ZNF689: variants seen among roughly 807,000 people sequenced by gnomAD.
ZNF689 encodes the protein zinc finger protein 689, also known as short ORF-encoded histone-binding protein.
Under a neutral mutation model 37.2 loss-of-function variants are expected in ZNF689, and 14 were observed. The ratio of observed to expected loss-of-function variants is 0.38; its 90% CI spans 0.25 to 0.59. The LOEUF is 0.59. Ranked by LOEUF, ZNF689 falls within the 20% of genes least tolerant of loss-of-function variation. ZNF689 has a pLI of 0.68. For synonymous variants in ZNF689, 277 were observed against 283.3 expected (o/e 0.98, Z 0.22); for missense variants, 573 against 700.2 (o/e 0.82, Z 2.05).
chr16:30,608,143 G>A (rs1326589938), intron 2 of ZNF689, among the ~76,000 whole-genome samples: 1 of 152,200 alleles, frequency 6.6e-6, no homozygotes, highest in Non-Finnish European at 1.5e-5. Flanking sequence ...CAGCAGGTCT[G>A]GGGTAGGGTC....
rs1451854143 is a variant in ZNF689 at position 30,609,632 on chromosome 16, G to A, written c.212C>T (p.Ala71Val). The change falls in exon 2 of 3, where the codon GCA becomes GTA. Residue 71 changes from alanine (A) to valine (V), a missense_variant. By Grantham distance (64) the Ala-to-Val change is moderately conservative. This residue lies in a region of ZNF689 where 252 missense variants were observed against 313.3 expected (regional missense o/e 0.80). Transcript: ENST00000287461. The stretch of plus-strand genomic sequence containing the variant: ...GGAGATGAGGGCTGGTTTGGGACCT[G>A]CGCACCCTGGGGAAAGAGAACAAAT... ...TYGHLGALGC[A>V]GPKPALISWL... 9 of 1,613,858 alleles carry A rather than the reference G, an allele frequency of 5.6e-6. No individual in the cohort carries two copies. The highest frequency in any genetic ancestry group is 3.3e-5 in the South Asian group (3 of 91,078).
chr16:30,609,981 T>G lies in ZNF689; in HGVS notation c.61A>C (p.Lys21Gln). 1 of 1,611,002 alleles carries G rather than the reference T, an allele frequency of 6.2e-7. No homozygotes were observed. The highest frequency in any genetic ancestry group is 8.5e-7 in the Non-Finnish European group (1 of 1,179,160). Residue 21 changes from lysine (K) to glutamine (Q), a missense_variant, in exon 1 of 3, where the codon AAA becomes CAA. Lys to Gln is a moderately conservative substitution (Grantham distance 53). Transcript: ENST00000287461. ...AGAGCCCTCGGCCTCCTGCCCCTTT[T>G]CCGACTGGGTCTGGCCTTTCCTGGT... The part of the protein sequence containing the change: ...QGPGKARPSR[K>Q]RGRRPRALKF...
chr16:30,602,670 T>C lies in ZNF689; in HGVS notation c.*1594A>G. 6.6e-6 allele frequency: 1 copy of C among 152,196 alleles called. No homozygotes were observed. Among genetic ancestry groups the C allele is most frequent in the Non-Finnish European group, 1.5e-5 (1 of 68,028 alleles). The allele number at this position is 152,196 out of a possible 1,614,324, so 9.4% of individuals were successfully genotyped here. On this transcript the variant is annotated 3_prime_UTR_variant, in exon 3 of 3. Transcript: ENST00000287461. ...CAATGTTACAATGCAACTTGCTAAA[T>C]ATTGAACAGAGGTAATTACATAAAG...
At chr16:30,606,171 G>T (rs910509574) in intron 2 of ZNF689, among the ~76,000 whole-genome samples, 1 of 151,884 alleles carries the variant, frequency 6.6e-6, no homozygotes, top group Non-Finnish European at 1.5e-5. Context: ...GGTGGCACGC[G>T]TGCCTGCCTG....
In ZNF689 at chr16:30,609,832, C is replaced by A; in HGVS notation, c.205+5G>T. ...CCCCGCGGCAGCGGATGGGGCCGGC[C>A]TCACCGAGCGCGCCCAGGTGACCGT... On this transcript the variant is annotated splice_donor_5th_base_variant and intron_variant, in intron 1 of 2. Transcript: ENST00000287461. The A allele has an allele frequency of 6.3e-7, 1 of 1,599,038 alleles. No individual in the cohort carries two copies. Among genetic ancestry groups the A allele is most frequent in the Admixed American group, 1.7e-5 (1 of 57,464 alleles).
Position 30,604,657 on chromosome 16 carries a change from C to T in ZNF689, c.1110G>A (p.Glu370=). 6.2e-7 allele frequency: 1 copy of T among 1,611,494 alleles called. No homozygotes were observed. The highest frequency in any genetic ancestry group is 1.1e-5 in the South Asian group (1 of 90,908). Reference sequence around the variant, plus strand: ...CACAGTCTGGGCAGGGGTAGGGCTTCTCTCCGGTGTGCAAGAGCTGGTGCT... The same window carrying T: ...CACAGTCTGGGCAGGGGTAGGGCTTTTCTCCGGTGTGCAAGAGCTGGTGCT... ...LLQHQLLHTG[E]KPYPCPDCGR... is the part of the protein sequence containing the mutation. The change falls in exon 3 of 3, where the codon GAG becomes GAA. Residue 370 remains glutamate, a synonymous_variant. Coordinates refer to ENST00000287461, the MANE Select transcript of ZNF689 (RefSeq NM_138447.3). The surrounding 1 kb of genome is among the most constrained non-coding windows in gnomAD (Gnocchi z 5.2).
Position 30,603,842 on chromosome 16 carries a change from A to G in ZNF689, c.*422T>C, listed in dbSNP as rs1465257242. On this transcript the variant is annotated 3_prime_UTR_variant, in exon 3 of 3. Coordinates refer to ENST00000287461, the MANE Select transcript of ZNF689 (RefSeq NM_138447.3). ...GACCACTTGGCAGGAGTGTTGCAAAAAGTGGGCTAAACCAGATTTTTCCAA... is the reference window on the plus strand; with the variant it reads ...GACCACTTGGCAGGAGTGTTGCAAAGAGTGGGCTAAACCAGATTTTTCCAA... The G allele has an allele frequency of 3.0e-6, 1 of 334,894 alleles. No individual in the cohort carries two copies. The highest frequency in any genetic ancestry group is 2.1e-5 in the African/African-American group (1 of 46,530). The allele number at this position is 334,894 out of a possible 1,614,324, so 20.7% of individuals were successfully genotyped here.
At chr16:30,607,905 T>C (rs975477643) in intron 2 of ZNF689, among the ~76,000 whole-genome samples, 2 of 152,204 alleles carry the variant, frequency 1.3e-5, no homozygotes, top group Admixed American at 6.5e-5. Context: ...GAGGTTACAG[T>C]GAGCTGAGAT....
chr16:30,604,797 G>A lies in ZNF689; in HGVS notation c.970C>T (p.Arg324Trp). ...EKPYPCPDCE[R>W]RFSSSSRLVS... The stretch of plus-strand genomic sequence containing the variant: ...AGGCGAGAGGAGGAGGAGAAGCGCC[G>A]CTCGCAGTCCGGGCACGGGTAGGGC... The change falls in exon 3 of 3, where the codon CGG becomes TGG. Residue 324 changes from arginine (R) to tryptophan (W), a missense_variant. By Grantham distance (101) the Arg-to-Trp change is moderately radical (BLOSUM62 -3). This residue lies in a region of ZNF689 where 317 missense variants were observed against 367.1 expected (regional missense o/e 0.86). Coordinates refer to ENST00000287461, the MANE Select transcript of ZNF689 (RefSeq NM_138447.3). This position sits in a 1 kb window ranked among gnomAD's most constrained non-coding sequence, Gnocchi z 5.2. 1.2e-6 allele frequency: 2 copies of A among 1,609,458 alleles called. No homozygotes were observed. Among genetic ancestry groups the A allele is most frequent in the South Asian group, 2.2e-5 (2 of 90,640 alleles).
chr16:30,603,941 A>G lies in ZNF689; in HGVS notation c.*323T>C. The G allele has an allele frequency of 2.2e-6, 1 of 455,372 alleles. No homozygotes were observed. The highest frequency in any genetic ancestry group is 4.2e-6 in the Non-Finnish European group (1 of 237,810). 28.2% of individuals were successfully genotyped at this position (455,372 alleles called of 1,614,324 possible). Reference sequence around the variant, plus strand: ...GATTCTCCTGATTGCATGCAAGATGACAGGTAATCCCTGTGTGGACAGACT... The same window carrying G: ...GATTCTCCTGATTGCATGCAAGATGGCAGGTAATCCCTGTGTGGACAGACT... On this transcript the variant is annotated 3_prime_UTR_variant, in exon 3 of 3. Transcript: ENST00000287461.
Position 30,605,608 on chromosome 16 carries a change from C to T in ZNF689, c.320-161G>A, listed in dbSNP as rs2052028797. On this transcript the variant is annotated intron_variant, in intron 2 of 2. Transcript: ENST00000287461. The surrounding 1 kb of genome is among the most constrained non-coding windows in gnomAD (Gnocchi z 5.1). ...TGTCATGCAAATACGGTGTGCATTACAGGAGCTTCTAACCCAGCTTGGAGA... is the reference window on the plus strand; with the variant it reads ...TGTCATGCAAATACGGTGTGCATTATAGGAGCTTCTAACCCAGCTTGGAGA... Among the ~76,000 whole-genome samples the T allele has an allele frequency of 6.6e-6, 1 of 152,132 alleles. No individual in the cohort carries two copies. The highest frequency in any genetic ancestry group is 2.1e-4 in the South Asian group (1 of 4,824).
At chr16:30,609,800 C>T (rs745384853) in intron 1 of ZNF689, 37 bp downstream of exon 1, 1 of 1,577,514 alleles carries the variant, frequency 6.3e-7, no homozygotes, top group Non-Finnish European at 8.6e-7. Context: ...TCCTGCATCC[C>T]TTCGCGCCCC....
At chr16:30,610,410 C>T (rs545227427), upstream of ZNF689, 8 of 221,334 alleles carry the variant, frequency 3.6e-5, no homozygotes, top group African/African-American at 1.9e-4. Context: ...GGCTTCACGC[C>T]GTCTTTTTTC....
At position 30,604,266 on chromosome 16, in the gene ZNF689, A is replaced by C; in HGVS notation, c.1501T>G (p.Ter501GluextTer41). ...GAACGTAGGCAGTCCTTCCCCTTCT[A>C]ATGGGCGTTGCCCCTCTGACTGGAG... ...GGSSQRGNAH* is the reference protein window; with the variant it reads ...GGSSQRGNAHE Residue 501 changes from the stop codon to glutamate, a stop_lost, in exon 3 of 3, where the codon TAG becomes GAG. Coordinates refer to ENST00000287461, the MANE Select transcript of ZNF689 (RefSeq NM_138447.3). The surrounding 1 kb of genome is among the most constrained non-coding windows in gnomAD (Gnocchi z 5.2). 6.2e-7 allele frequency: 1 copy of C among 1,614,000 alleles called. No individual in the cohort carries two copies. Among genetic ancestry groups the C allele is most frequent in the Non-Finnish European group, 8.5e-7 (1 of 1,179,966 alleles).
At position 30,609,576 on chromosome 16, in the gene ZNF689, G is replaced by A; in HGVS notation, c.268C>T (p.Pro90Ser). 1 of 1,614,112 alleles carries A rather than the reference G, an allele frequency of 6.2e-7. No individual in the cohort carries two copies. The highest frequency in any genetic ancestry group is 1.1e-5 in the South Asian group (1 of 91,084). ...WLERNTDDWE[P>S]AALDPQEYPR... ...TACTCCTGCGGATCTAGAGCAGCCGGTTCCCAGTCATCGGTGTTTCGTTCC... is the reference window on the plus strand; with the variant it reads ...TACTCCTGCGGATCTAGAGCAGCCGATTCCCAGTCATCGGTGTTTCGTTCC... The change falls in exon 2 of 3, where the codon CCG (proline) becomes TCG (serine). Residue 90 changes from proline (P) to serine (S), a missense_variant. Physicochemically the swap from Pro to Ser is moderately conservative, Grantham distance 74 (BLOSUM62 -1). Coordinates refer to ENST00000287461, the MANE Select transcript of ZNF689 (RefSeq NM_138447.3).
rs1257778326 is a variant in ZNF689 at position 30,604,759 on chromosome 16, C to G, written c.1008G>C (p.Arg336=). The G allele has an allele frequency of 6.2e-7, 1 of 1,607,956 alleles. No homozygotes were observed. Among genetic ancestry groups the G allele is most frequent in the Non-Finnish European group, 8.5e-7 (1 of 1,177,758 alleles). ...AGGGACGCTCCCCAGAGTGCACACG[C>G]CGGTGACTGACCAGGCGAGAGGAGG... ...FSSSSRLVSH[R]RVHSGERPYA... is the part of the protein sequence containing the mutation. Residue 336 remains arginine (R), a synonymous_variant, in exon 3 of 3, where the codon CGG becomes CGC. Coordinates refer to ENST00000287461, the MANE Select transcript of ZNF689 (RefSeq NM_138447.3). This position sits in a 1 kb window ranked among gnomAD's most constrained non-coding sequence, Gnocchi z 5.2.
At chr16:30,606,118 T>C (rs2052034026) in intron 2 of ZNF689, among the ~76,000 whole-genome samples, 1 of 151,872 alleles carries the variant, frequency 6.6e-6, no homozygotes, top group South Asian at 2.1e-4. Context: ...GGCAGCATAG[T>C]GAGACCCCAT....
In ZNF689 at chr16:30,605,333, G is replaced by A. The variant is rs887839909; in HGVS notation, c.434C>T (p.Thr145Met). The A allele has an allele frequency of 1.9e-6, 3 of 1,613,000 alleles. No individual in the cohort carries two copies. The highest frequency in any genetic ancestry group is 2.5e-6 in the Non-Finnish European group (3 of 1,179,428). The stretch of plus-strand genomic sequence containing the variant: ...GTCAGGGCAGATGGGGCCCCCGGAC[G>A]TCTGCCTAGGAATCAGTCGGGGTTT... ...PSKPRLIPRQ[T>M]SGGPICPDCG... is the part of the protein sequence containing the mutation. The change falls in exon 3 of 3, where the codon ACG (threonine) becomes ATG (methionine). Residue 145 changes from threonine to methionine, a missense_variant. This residue lies in a region of ZNF689 where 252 missense variants were observed against 313.3 expected (regional missense o/e 0.80). Transcript: ENST00000287461. The surrounding 1 kb of genome is among the most constrained non-coding windows in gnomAD (Gnocchi z 5.1).
At position 30,604,750 on chromosome 16, in the gene ZNF689, G is replaced by C; in HGVS notation, c.1017C>G (p.His339Gln). The change falls in exon 3 of 3, where the codon CAC becomes CAG. Residue 339 changes from histidine to glutamine, a missense_variant. His to Gln is a conservative substitution (Grantham distance 24). Transcript: ENST00000287461. This position sits in a 1 kb window ranked among gnomAD's most constrained non-coding sequence, Gnocchi z 5.2. ...SSRLVSHRRV[H>Q]SGERPYACEH... is the part of the protein sequence containing the mutation. ...CGCAGGCATAGGGACGCTCCCCAGA[G>C]TGCACACGCCGGTGACTGACCAGGC... is the stretch of plus-strand genomic sequence containing the variant. 6.2e-7 allele frequency: 1 copy of C among 1,607,438 alleles called. No homozygotes were observed. Among genetic ancestry groups the C allele is most frequent in the East Asian group, 2.2e-5 (1 of 44,774 alleles).
Sources: gnomAD v4.1 joint callset for allele counts (sites outside exome capture counted in the v4.1 genomes callset) on GRCh38, gnomAD v4.1.1 for gene constraint, gnomAD v4.1.1 regional missense constraint, Gnocchi (gnomAD v3.1) non-coding constraint, MANE v1.5 for transcripts, NCBI Gene and HGNC (gene_info 2026-07-23, HGNC 2026-07-21) for gene names.